TTC28: variants seen among roughly 807,000 people sequenced by gnomAD.
The protein encoded by TTC28 is tetratricopeptide repeat domain 28.
TTC28 carries 61 observed loss-of-function variants against 198.0 expected under a neutral mutation model. That is an observed-to-expected ratio of 0.31 (90% CI 0.25 to 0.38). TTC28 has a LOEUF of 0.38. Among genes scored for constraint, TTC28 ranks in the 10% least tolerant of loss-of-function variants. The pLI is 1.00. For synonymous variants in TTC28, 1,171 were observed against 1,297.8 expected (o/e 0.90, Z 2.10); for missense variants, 2,678 against 3,164.0 (o/e 0.85, Z 3.69).
intron 1 of TTC28, among the ~76,000 whole-genome samples, chr22:28,665,268 CAAT>C: frequency 2.4e-5 from 1 of 42,052 alleles, no homozygotes; most frequent in Admixed American, 2.8e-4. Context: ...GCTAACATCA[CAAT>C]GACAGGATCA....
At position 28,487,620 on chromosome 22, in the gene TTC28, T is replaced by A. The variant is rs148944581; in HGVS notation, c.381+141932A>T. Among the ~76,000 whole-genome samples the A allele has an allele frequency of 3.5e-3, 535 of 152,296 alleles. 2 individuals are homozygous for A. Among genetic ancestry groups the A allele is most frequent in the African/African-American group, 0.012 (503 of 41,568 alleles). On this transcript the variant is annotated intron_variant, in intron 2 of 22. Coordinates refer to ENST00000397906, the MANE Select transcript of TTC28 (RefSeq NM_001145418.2). ...TCTTGCCGTGTCCATTTCTAATGCT[T>A]GCCATATGGATATATAACTGACATA...
intron 6 of TTC28, among the ~76,000 whole-genome samples, chr22:28,118,904 C>T (rs2146933547): frequency 6.6e-6 from 1 of 152,116 alleles, no homozygotes; most frequent in South Asian, 2.1e-4. Context: ...TTAAATAAAT[C>T]CTTTATGGAA....
intron 5 of TTC28, among the ~76,000 whole-genome samples, chr22:28,277,093 A>G (rs995433290): frequency 6.6e-6 from 1 of 152,162 alleles, no homozygotes; most frequent in Non-Finnish European, 1.5e-5. Context: ...AAAAATTTAG[A>G]AAGTTCTTGC....
At chr22:28,406,227 T>A (rs768943608) in intron 2 of TTC28, among the ~76,000 whole-genome samples, 5 of 152,250 alleles carry the variant, frequency 3.3e-5, no homozygotes, top group Non-Finnish European at 7.3e-5. Flanking sequence ...GTGAAGGGAA[T>A]AAAATACAAG....
Position 28,065,726 on chromosome 22 carries a change from C to T in TTC28, c.3932+28354G>A, listed in dbSNP as rs1940721712. 2.0e-5 allele frequency among the ~76,000 whole-genome samples: 3 copies of T among 151,978 alleles called. No individual in the cohort carries two copies. In the South Asian group the frequency reaches 6.2e-4, roughly 32 times the overall value. The stretch of plus-strand genomic sequence containing the variant: ...ATGACAAAATTATTCAACTTTAATT[C>T]TAATAGAAAATGGAGTAAAAAAAGA... On this transcript the variant is annotated intron_variant, in intron 12 of 22. Coordinates refer to ENST00000397906, the MANE Select transcript of TTC28 (RefSeq NM_001145418.2).
intron 12 of TTC28, among the ~76,000 whole-genome samples, chr22:28,049,341 G>C (rs559028305): frequency 6.6e-6 from 1 of 152,110 alleles, no homozygotes. Context: ...AAATAAAATC[G>C]GCACCTTTAA....
In TTC28 at chr22:28,014,314, C is replaced by T; in HGVS notation, c.4152G>A (p.Arg1384=). ...TQDGTSSLPR[R]QSSFAKPPLR... ...GCGGGGGCTTGGCAAACGAGCTCTG[C>T]CTCCTGGGAAGAGAGGAGGTCCCGT... The change falls in exon 14 of 23, where the codon AGG becomes AGA. Residue 1384 remains arginine (R), a synonymous_variant. Transcript: ENST00000397906. The T allele has an allele frequency of 6.4e-7, 1 of 1,551,678 alleles. No homozygotes were observed. Among genetic ancestry groups the T allele is most frequent in the Non-Finnish European group, 8.7e-7 (1 of 1,146,988 alleles).
intron 1 of TTC28, among the ~76,000 whole-genome samples, chr22:28,642,232 G>C (rs2051379812): frequency 6.6e-6 from 1 of 151,558 alleles, no homozygotes; most frequent in Admixed American, 6.6e-5. Context: ...AAAAAAGTAG[G>C]GGGAGGAAAG....
intron 5 of TTC28, among the ~76,000 whole-genome samples, chr22:28,252,641 A>G (rs1018517652): frequency 1.3e-5 from 2 of 152,200 alleles, no homozygotes; most frequent in Admixed American, 1.3e-4. Flanking sequence ...AGATGTGGAT[A>G]TTATGGGAAA....
At chr22:28,557,969 G>T (rs1007189990) in intron 2 of TTC28, among the ~76,000 whole-genome samples, 1 of 152,106 alleles carries the variant, frequency 6.6e-6, no homozygotes, top group Non-Finnish European at 1.5e-5. Flanking sequence ...TACCTTTCAT[G>T]ATCATTTTTT....
At chr22:28,413,220 G>C (rs1248158743) in intron 2 of TTC28, among the ~76,000 whole-genome samples, 1 of 152,078 alleles carries the variant, frequency 6.6e-6, no homozygotes, top group Admixed American at 6.5e-5. Context: ...CGGATGACGA[G>C]GTCAAGAGAT....
chr22:28,146,567 G>C (rs1467688738), intron 6 of TTC28, among the ~76,000 whole-genome samples: 1 of 152,170 alleles, frequency 6.6e-6, no homozygotes, highest in Non-Finnish European at 1.5e-5. Context: ...TCTCCTTGTT[G>C]TGAAGGGCTT....
Position 28,014,406 on chromosome 22 carries a change from G to A in TTC28, c.4074-14C>T. The A allele has an allele frequency of 1.9e-6, 3 of 1,544,726 alleles. No individual in the cohort carries two copies. The highest frequency in any genetic ancestry group is 2.6e-6 in the Non-Finnish European group (3 of 1,143,526). On this transcript the variant is annotated splice_polypyrimidine_tract_variant and intron_variant, in intron 13 of 22. Coordinates refer to ENST00000397906, the MANE Select transcript of TTC28 (RefSeq NM_001145418.2). ...CTCTGGCAGCTCCTGGGGAGGGAAGGGCCGAGGGATCAATCAGGGCCACTC... is the reference window on the plus strand; with the variant it reads ...CTCTGGCAGCTCCTGGGGAGGGAAGAGCCGAGGGATCAATCAGGGCCACTC...
chr22:28,644,216 G>A (rs1426090761), intron 1 of TTC28, among the ~76,000 whole-genome samples: 4 of 151,408 alleles, frequency 2.6e-5, no homozygotes, highest in Admixed American at 2.0e-4. Context: ...TGGCTAACAC[G>A]GTGAAACACT....
intron 22 of TTC28, among the ~76,000 whole-genome samples, chr22:27,984,866 A>C (rs1270244521): frequency 6.6e-6 from 1 of 152,124 alleles, no homozygotes; most frequent in Non-Finnish European, 1.5e-5. Flanking sequence ...CCTTAAGAAC[A>C]TCAGTCGGGC....
intron 8 of TTC28, among the ~76,000 whole-genome samples, chr22:28,103,467 C>T (rs1359082267): frequency 1.3e-5 from 2 of 152,132 alleles, no homozygotes; most frequent in Non-Finnish European, 2.9e-5. Context: ...CCTCAGAAAG[C>T]CAGGGGAGAG....
chr22:28,446,290 A>G (rs2047699930), intron 2 of TTC28, among the ~76,000 whole-genome samples: 1 of 152,084 alleles, frequency 6.6e-6, no homozygotes, highest in South Asian at 2.1e-4. Context: ...GGGAGGATGG[A>G]GAATGAATAG....
chr22:28,304,385 A>G (rs1196532649), intron 3 of TTC28, among the ~76,000 whole-genome samples: 1 of 152,202 alleles, frequency 6.6e-6, no homozygotes, highest in East Asian at 1.9e-4. Flanking sequence ...TGCACAGAAC[A>G]ATACTGTGCA....
chr22:27,978,876 C>T lies in TTC28; in HGVS notation c.*3345G>A, dbSNP rs1325278125. On this transcript the variant is annotated 3_prime_UTR_variant, in exon 23 of 23. Transcript: ENST00000397906. Reference sequence around the variant, plus strand: ...GTACGGCTTATAGTCATTGTATTTACATCTGATGGAGTAGCAGAGGGTGGG... The same window carrying T: ...GTACGGCTTATAGTCATTGTATTTATATCTGATGGAGTAGCAGAGGGTGGG... 1 of 152,174 alleles carries T rather than the reference C, an allele frequency of 6.6e-6. No homozygotes were observed. Among genetic ancestry groups the T allele is most frequent in the Non-Finnish European group, 1.5e-5 (1 of 68,042 alleles). The allele number at this position is 152,174 out of a possible 1,614,324, so 9.4% of individuals were successfully genotyped here.
Sources: allele counts gnomAD v4.1 joint callset (sites outside exome capture counted in the v4.1 genomes callset), GRCh38; gene constraint gnomAD v4.1.1; transcripts MANE v1.5; gene names NCBI Gene and HGNC (gene_info 2026-07-23, HGNC 2026-07-21).